Variants in SP140 observed in about 807,000 individuals in gnomAD.
SP140 encodes the protein nuclear body protein SP140.
Under a neutral mutation model 125.0 loss-of-function variants are expected in SP140, and 81 were observed. The ratio of observed to expected loss-of-function variants is 0.65; its 90% CI spans 0.54 to 0.78. The LOEUF is 0.78. Ranked by LOEUF, SP140 falls within the 30% of genes least tolerant of loss-of-function variation. The probability of loss-of-function intolerance (pLI) is 0.00; values close to 1 mark genes in which losing one functional copy is unlikely to be tolerated. For synonymous variants in SP140, 312 were observed against 354.0 expected, an observed-to-expected ratio of 0.88 and a Z score of 1.33; for missense variants, 858 against 1,037.0, an observed-to-expected ratio of 0.83 and a Z score of 2.37.
At chr2:230,305,050 AAT>A (rs1341860586) in intron 22 of SP140, among the ~76,000 whole-genome samples, 1 of 152,252 alleles carries the variant, frequency 6.6e-6, no homozygotes. Context: ...AACTCAAAGC[AAT>A]CAGCAAGAAA....
At chr2:230,263,392 G>A (rs2052584180) in intron 12 of SP140, among the ~76,000 whole-genome samples, 1 of 152,150 alleles carries the variant, frequency 6.6e-6, no homozygotes, top group African/African-American at 2.4e-5. Context: ...CAGATGGTTG[G>A]TGAGTTCTTA....
chr2:230,286,027 T>A (rs1469864171), intron 17 of SP140, among the ~76,000 whole-genome samples, 195 bp downstream of exon 17: 2 of 152,224 alleles, frequency 1.3e-5, no homozygotes, highest in African/African-American at 4.8e-5. Context: ...AGATCTTATC[T>A]GCCCAGTTTC....
upstream of SP140, chr2:230,200,868 C>G (rs201182994): frequency 5.7e-6 from 9 of 1,572,756 alleles, no homozygotes; most frequent in Non-Finnish European, 8.8e-7. Flanking sequence ...CTGAGACCAG[C>G]AATCTCCAAG....
chr2:230,264,061 A>G (rs1164744565), intron 12 of SP140, among the ~76,000 whole-genome samples: 1 of 152,164 alleles, frequency 6.6e-6, no homozygotes, highest in Non-Finnish European at 1.5e-5. Flanking sequence ...TCCCCCAAAT[A>G]TGTTTTCCAA....
intron 20 of SP140, among the ~76,000 whole-genome samples, chr2:230,293,599 A>T (rs954710549): frequency 6.6e-6 from 1 of 151,920 alleles, no homozygotes; most frequent in African/African-American, 2.4e-5. Context: ...GCCTCCCAAA[A>T]TGCTGGGGTT....
chr2:230,195,973 G>A, the SP140 span, among the ~76,000 whole-genome samples: 1 of 152,010 alleles, frequency 6.6e-6, no homozygotes. Flanking sequence ...AAATGAAGAT[G>A]ACAAATTTAT....
At chr2:230,245,818 C>T (rs1183434512) in intron 6 of SP140, 45 bp from the exon 7 acceptor site, 1 of 1,260,382 alleles carries the variant, frequency 7.9e-7, no homozygotes, top group Admixed American at 1.7e-5. Flanking sequence ...GGTAGGTGTC[C>T]AGGTCACTGC....
In SP140 at chr2:230,235,614, T is replaced by TA. The variant is rs906407875; in HGVS notation, c.60-1461dup. 1.1e-3 allele frequency among the ~76,000 whole-genome samples: 165 copies of TA among 152,098 alleles called. 2 individuals carry two copies. The highest frequency in any genetic ancestry group is 3.8e-3 in the African/African-American group (159 of 41,490). On this transcript the variant is annotated intron_variant, in intron 1 of 26. Transcript: ENST00000392045. ...TCCCAATGACCATTTCCTGGTGGGA[T>TA]AAAAAAAATCCTGGAAGTCTTCATA... is the stretch of plus-strand genomic sequence containing the variant.
At chr2:230,220,444 C>T (rs1574821319) in intron 3 of SP140, among the ~76,000 whole-genome samples, 1 of 152,128 alleles carries the variant, frequency 6.6e-6, no homozygotes, top group African/African-American at 2.4e-5. Flanking sequence ...CCAGAAATGC[C>T]TAGAACTTGT....
rs200403415 is a variant in SP140 at position 230,210,007 on chromosome 2, C to G, written c.-322-3647C>G. On this transcript the variant is annotated intron_variant, in intron 1 of 4. Transcript: ENST00000456542. ...TTGGTTCTGGAGAATTATCTCTTAT[C>G]TCTGACAAAAGAAATATAAGTCATT... 1.1e-5 allele frequency: 17 copies of G among 1,586,502 alleles called. No individual in the cohort carries two copies. Among genetic ancestry groups the G allele is most frequent in the Non-Finnish European group, 1.5e-5 (17 of 1,154,818 alleles).
intron 12 of SP140, among the ~76,000 whole-genome samples, chr2:230,257,879 C>T (rs1283139308): frequency 2.0e-5 from 3 of 151,826 alleles, no homozygotes; most frequent in African/African-American, 7.3e-5. Context: ...GAACAGAGAA[C>T]GTTTGTGGAA....
upstream of SP140, among the ~76,000 whole-genome samples, chr2:230,199,148 A>ATTTTTTTT (rs113583785): frequency 7.2e-6 from 1 of 139,114 alleles, no homozygotes; most frequent in African/African-American, 2.8e-5. Context: ...TATTATTATT[A>ATTTTTTTT]TTTTTTTTTT....
At chr2:230,289,947 C>G (rs1575240526) in intron 18 of SP140, among the ~76,000 whole-genome samples, 2 of 152,278 alleles carry the variant, frequency 1.3e-5, no homozygotes, top group South Asian at 4.1e-4. Flanking sequence ...ACGGGGAAAG[C>G]AGACAGGACA....
chr2:230,277,213 T>G (rs2054838811), intron 15 of SP140, among the ~76,000 whole-genome samples: 1 of 152,150 alleles, frequency 6.6e-6, no homozygotes, highest in Non-Finnish European at 1.5e-5. Flanking sequence ...CATTACTGTC[T>G]TATTTTAAGA....
At chr2:230,272,577 T>G (rs2054091382) in intron 15 of SP140, among the ~76,000 whole-genome samples, 1 of 152,174 alleles carries the variant, frequency 6.6e-6, no homozygotes, top group African/African-American at 2.4e-5. Flanking sequence ...GACTTGCTCC[T>G]CCTTGTCTTC....
At chr2:230,273,806 A>T (rs912895180) in intron 15 of SP140, among the ~76,000 whole-genome samples, 1 of 152,214 alleles carries the variant, frequency 6.6e-6, no homozygotes, top group African/African-American at 2.4e-5. Flanking sequence ...AGGGACATGG[A>T]TGGAGCTGGA....
intron 12 of SP140, among the ~76,000 whole-genome samples, chr2:230,262,070 C>T (rs551469868): frequency 2.5e-4 from 38 of 152,210 alleles, no homozygotes; most frequent in Middle Eastern, 3.4e-3. Flanking sequence ...GCTGTGAATC[C>T]GTCTGATCCT....
chr2:230,277,195 G>A (rs1296207612), intron 15 of SP140, among the ~76,000 whole-genome samples: 1 of 152,136 alleles, frequency 6.6e-6, no homozygotes, highest in Non-Finnish European at 1.5e-5. Context: ...AATCAATTTA[G>A]CAAACTTCAT....
intron 8 of SP140, 49 bp from the exon 9 acceptor site, chr2:230,248,836 T>G: frequency 6.8e-7 from 1 of 1,470,442 alleles, no homozygotes; most frequent in Non-Finnish European, 9.5e-7. Context: ...CACTGAGGCC[T>G]GTGTCCAAGT....
Sources: allele counts gnomAD v4.1 joint callset (sites outside exome capture counted in the v4.1 genomes callset), GRCh38; gene constraint gnomAD v4.1.1; transcripts MANE v1.5; gene names NCBI Gene and HGNC (gene_info 2026-07-23, HGNC 2026-07-21).